Variants in SORD observed in about 807,000 individuals in gnomAD.
The protein encoded by SORD is sorbitol dehydrogenase, also known as (R,R)-butanediol dehydrogenase.
In SORD, 18 loss-of-function variants were observed where a neutral mutation model predicts 35.6. The ratio of observed to expected loss-of-function variants is 0.51; its 90% CI spans 0.35 to 0.75. SORD has a LOEUF of 0.75. Among genes scored for constraint, SORD ranks in the 30% least tolerant of loss-of-function variants. The pLI, the probability that SORD is intolerant of heterozygous loss-of-function variation, is 0.01. For synonymous variants in SORD, 106 were observed against 152.9 expected, an observed-to-expected ratio of 0.69 and a Z score of 2.26; for missense variants, 250 against 390.2, an observed-to-expected ratio of 0.64 and a Z score of 3.03.
chr15:45,024,151 T>C (rs567090073), intron 1 of SORD, among the ~76,000 whole-genome samples: 1 of 152,188 alleles, frequency 6.6e-6, no homozygotes, highest in Non-Finnish European at 1.5e-5. Context: ...AGCAGCCTAG[T>C]CATGCCAAGC....
intron 3 of SORD, among the ~76,000 whole-genome samples, chr15:45,046,634 T>A (rs554201900): frequency 5.1e-4 from 78 of 152,366 alleles, no homozygotes; most frequent in African/African-American, 1.8e-3. Context: ...GTCTTTCATA[T>A]GTTAACTTGG....
intron 3 of SORD, among the ~76,000 whole-genome samples, chr15:45,056,245 T>G (rs1295015046): frequency 1.3e-5 from 2 of 152,052 alleles, no homozygotes; most frequent in African/African-American, 4.8e-5. Context: ...AAAATCCCAT[T>G]GTCTCAGCCC....
intron 3 of SORD, among the ~76,000 whole-genome samples, chr15:45,054,165 T>A (rs1378962867): frequency 6.6e-6 from 1 of 152,238 alleles, no homozygotes; most frequent in Non-Finnish European, 1.5e-5. Flanking sequence ...TACCCAGTAA[T>A]GGGATGGCTA....
chr15:45,052,322 C>G (rs913159295), intron 3 of SORD, among the ~76,000 whole-genome samples: 1 of 152,166 alleles, frequency 6.6e-6, no homozygotes, highest in African/African-American at 2.4e-5. Context: ...GGGATGGGGA[C>G]AGCACTGAGG....
intron 3 of SORD, among the ~76,000 whole-genome samples, chr15:45,052,243 C>T (rs1260022587): frequency 6.6e-6 from 1 of 152,210 alleles, no homozygotes. Context: ...TAGCCAGAGA[C>T]TCCAATGTAG....
At chr15:45,041,288 C>T (rs1892962187) in intron 2 of SORD, among the ~76,000 whole-genome samples, 1 of 152,214 alleles carries the variant, frequency 6.6e-6, no homozygotes, top group East Asian at 1.9e-4. Flanking sequence ...CCTCCCATCC[C>T]TGGAATTCCA....
chr15:45,068,343 G>C, intron 6 of SORD, 97 bp downstream of exon 6: 1 of 885,160 alleles, frequency 1.1e-6, no homozygotes, highest in East Asian at 2.4e-5. Context: ...CAGTGTGGAG[G>C]GGGTGAGTGT....
At chr15:45,065,198 T>C in intron 4 of SORD, 73 bp from the exon 5 acceptor site, 2 of 1,310,920 alleles carry the variant, frequency 1.5e-6, no homozygotes, top group Admixed American at 1.9e-5. Context: ...TACAGTGACA[T>C]TGGGCATATA....
chr15:45,065,171 C>T (rs1485306055), intron 4 of SORD, 100 bp from the exon 5 acceptor site: 12 of 1,092,422 alleles, frequency 1.1e-5, no homozygotes, highest in Non-Finnish European at 1.5e-5. Flanking sequence ...TCGATAAATG[C>T]TAGCTATGGT....
intron 3 of SORD, chr15:45,060,839 C>A (rs1893291148): frequency 1.2e-6 from 1 of 817,348 alleles, no homozygotes; most frequent in East Asian, 3.4e-5. Flanking sequence ...TGACTCTGTG[C>A]TTCATCCCAA....
rs145998153 is a variant in SORD at position 45,068,442 on chromosome 15, TGA to T, written c.610+202_610+203del. Among the ~76,000 whole-genome samples, 17,245 of 149,342 alleles carry T rather than the reference TGA, an allele frequency of 0.12. 1,075 individuals are homozygous for T. The highest frequency in any genetic ancestry group is 0.19 in the Middle Eastern group (54 of 290). On this transcript the variant is annotated intron_variant, in intron 6 of 8. Transcript: ENST00000267814. ...CTATCAGAGAGAGAGAGAGTTTGTG[TGA>T]GAGAGTGTGTGTGTGTGTGTCTGTG...
chr15:45,036,498 C>G (rs1892869054), intron 1 of SORD, among the ~76,000 whole-genome samples: 1 of 152,092 alleles, frequency 6.6e-6, no homozygotes. Context: ...TCGAGATCAG[C>G]CTGGCCAACA....
At chr15:45,037,799 CAG>C (rs1252323646) in intron 1 of SORD, among the ~76,000 whole-genome samples, 6 of 150,642 alleles carry the variant, frequency 4.0e-5, no homozygotes, top group East Asian at 3.9e-4. Context: ...CAGGGCCTGT[CAG>C]GGGGTGGGGG....
intron 7 of SORD, chr15:45,070,843 C>T (rs1893499853): frequency 1.3e-5 from 2 of 152,200 alleles, no homozygotes; most frequent in Non-Finnish European, 1.5e-5. Context: ...GCCCTTAGAG[C>T]ATTTGGAACA....
At chr15:45,067,835 C>T (rs1403550398) in intron 5 of SORD, among the ~76,000 whole-genome samples, 3 of 152,166 alleles carry the variant, frequency 2.0e-5, no homozygotes, top group Non-Finnish European at 4.4e-5. Context: ...AAGTCCAGAC[C>T]TTCTGAGATT....
intron 1 of SORD, among the ~76,000 whole-genome samples, chr15:45,037,813 CA>C (rs1892894299): frequency 6.8e-6 from 1 of 147,746 alleles, no homozygotes; most frequent in Non-Finnish European, 1.5e-5. Context: ...GGGTGGGGGA[CA>C]AGGGGAGGGA....
rs754077530 is a variant in SORD, at chr15:45,023,326, CA to C, written c.44del (p.His15ProfsTer23). 5.7e-6 allele frequency: 9 copies of C among 1,590,366 alleles called. No homozygotes were observed. The highest frequency in any genetic ancestry group is 7.7e-6 in the Non-Finnish European group (9 of 1,169,686). On this transcript the variant is annotated frameshift_variant, in exon 1 of 9. Transcript: ENST00000267814. LOFTEE classifies it high-confidence loss of function. ...GCCCAACAACCTTTCCCTGGTGGTGCACGGACCGGGGGACTTGCGCCTGGTA... is the reference window on the plus strand; with the variant it reads ...GCCCAACAACCTTTCCCTGGTGGTGCCGGACCGGGGGACTTGCGCCTGGTA... ...AKPNNLSLVV[H>X]GPGDLRLENY...
chr15:45,056,647 A>T (rs916904310), intron 3 of SORD, among the ~76,000 whole-genome samples: 1 of 152,208 alleles, frequency 6.6e-6, no homozygotes, highest in African/African-American at 2.4e-5. Context: ...GCCAGTTAAC[A>T]TTTAGGGAGT....
At chr15:45,068,117 T>G (rs1893436421) in intron 5 of SORD, 64 bp from the exon 6 acceptor site, 2 of 1,273,332 alleles carry the variant, frequency 1.6e-6, no homozygotes. Flanking sequence ...ATCCATGGCC[T>G]GGACAAGTGG....
Sources: gnomAD v4.1 joint callset for allele counts (sites outside exome capture counted in the v4.1 genomes callset) on GRCh38, gnomAD v4.1.1 for gene constraint, MANE v1.5 for transcripts, NCBI Gene and HGNC (gene_info 2026-07-23, HGNC 2026-07-21) for gene names.